The following MARK1 variants were observed in gnomAD, a reference collection of about 807,000 sequenced individuals.
The protein encoded by MARK1 is serine/threonine-protein kinase MARK1.
In MARK1, 40 loss-of-function variants were observed where a neutral mutation model predicts 96.3. That is an observed-to-expected ratio of 0.42 (90% confidence interval 0.32 to 0.54). The LOEUF (loss-of-function observed/expected upper bound fraction) is 0.54, where lower values mean the gene tolerates loss of function less well. MARK1 is among the 20% of genes least tolerant of loss of function. The pLI, the probability that MARK1 is intolerant of heterozygous loss-of-function variation, is 0.16. For missense variants in MARK1, 719 were observed against 984.6 expected, an observed-to-expected ratio of 0.73 and a Z score of 3.61; for synonymous variants, 317 against 341.2, an observed-to-expected ratio of 0.93 and a Z score of 0.78.
At chr1:220,566,495 G>A (rs561000019) in intron 1 of MARK1, among the ~76,000 whole-genome samples, 30 of 152,276 alleles carry the variant, frequency 2.0e-4, no homozygotes, top group African/African-American at 7.2e-4. Flanking sequence ...TTTACTGAGA[G>A]CAAACCGTTG....
chr1:220,559,711 G>A (rs1558258648), intron 1 of MARK1, among the ~76,000 whole-genome samples: 2 of 152,338 alleles, frequency 1.3e-5, no homozygotes, highest in South Asian at 2.1e-4. Flanking sequence ...CACATAGGCA[G>A]AGAATATGGA....
At chr1:220,638,633 T>C (rs540270088) in intron 13 of MARK1, among the ~76,000 whole-genome samples, 1 of 152,272 alleles carries the variant, frequency 6.6e-6, no homozygotes, top group East Asian at 1.9e-4. Flanking sequence ...GCATAAAAAT[T>C]AAGAAATTAG....
intron 6 of MARK1, among the ~76,000 whole-genome samples, chr1:220,612,315 G>T (rs1666492116): frequency 6.6e-6 from 1 of 152,126 alleles, no homozygotes. Context: ...AGGATAAGAG[G>T]TTGGGACATA....
At chr1:220,655,153 G>C (rs1304619847) in intron 16 of MARK1, among the ~76,000 whole-genome samples, 1 of 152,002 alleles carries the variant, frequency 6.6e-6, no homozygotes. Context: ...CACTTCTCAG[G>C]CTCCTTTGCT....
intron 17 of MARK1, among the ~76,000 whole-genome samples, chr1:220,659,635 C>T (rs1356803892): frequency 6.6e-6 from 1 of 152,084 alleles, no homozygotes; most frequent in Non-Finnish European, 1.5e-5. Flanking sequence ...CTACAATGGA[C>T]ATTATCAGTG....
chr1:220,546,996 A>G (rs1661545433), intron 1 of MARK1, among the ~76,000 whole-genome samples: 1 of 150,728 alleles, frequency 6.6e-6, no homozygotes, highest in Non-Finnish European at 1.5e-5. Context: ...AAGAAAAAAG[A>G]AAAGAAAAGA....
intron 15 of MARK1, among the ~76,000 whole-genome samples, chr1:220,652,820 T>TA (rs1668955197): frequency 6.6e-6 from 1 of 152,142 alleles, no homozygotes; most frequent in African/African-American, 2.4e-5. Context: ...AGGAGAATAT[T>TA]AAAAAAATAT....
intron 1 of MARK1, among the ~76,000 whole-genome samples, chr1:220,576,219 G>C (rs999870747): frequency 2.0e-5 from 3 of 151,424 alleles, no homozygotes; most frequent in African/African-American, 7.3e-5. Context: ...GATTTCTCAT[G>C]AGTCAGAGTC....
intron 1 of MARK1, among the ~76,000 whole-genome samples, chr1:220,531,736 GTT>G (rs1292782177): frequency 6.6e-6 from 1 of 152,124 alleles, no homozygotes; most frequent in Non-Finnish European, 1.5e-5. Flanking sequence ...TGTGTGCCTT[GTT>G]AATAGGCCTC....
At chr1:220,607,047 A>T (rs1250496997) in intron 6 of MARK1, among the ~76,000 whole-genome samples, 1 of 152,112 alleles carries the variant, frequency 6.6e-6, no homozygotes, top group African/African-American at 2.4e-5. Context: ...AGTTTTTTCA[A>T]ATTCTGTGAA....
intron 13 of MARK1, among the ~76,000 whole-genome samples, chr1:220,648,841 T>G (rs1474571838): frequency 6.6e-6 from 1 of 152,208 alleles, no homozygotes; most frequent in Non-Finnish European, 1.5e-5. Flanking sequence ...CCCAGGGTGT[T>G]TTTCCTGTTT....
rs537505278 is a variant in MARK1 at position 220,619,151 on chromosome 1, A to G, written c.909+396A>G. Among the ~76,000 whole-genome samples, 6 of 152,372 alleles carry G rather than the reference A, an allele frequency of 3.9e-5. No individual in the cohort carries two copies. In the South Asian group the frequency reaches 1.2e-3, roughly 32 times the overall value. On this transcript the variant is annotated intron_variant, in intron 9 of 17. Transcript: ENST00000366917. ...AAAATTCTAATCTAATGAATATTTC[A>G]CAGCTATATCTGACATTGATATCTA...
At chr1:220,641,830 C>T (rs1305622320) in intron 13 of MARK1, among the ~76,000 whole-genome samples, 1 of 152,158 alleles carries the variant, frequency 6.6e-6, no homozygotes, top group African/African-American at 2.4e-5. Context: ...GCAAAGGGAC[C>T]TCCCTCCCCG....
intron 1 of MARK1, among the ~76,000 whole-genome samples, chr1:220,567,028 G>A (rs1210630227): frequency 6.6e-6 from 1 of 152,012 alleles, no homozygotes; most frequent in Non-Finnish European, 1.5e-5. Context: ...TCCCCACCTA[G>A]TCCTTAGTAT....
intron 5 of MARK1, among the ~76,000 whole-genome samples, chr1:220,601,814 G>C (rs926424040): frequency 6.6e-6 from 1 of 152,140 alleles, no homozygotes; most frequent in Non-Finnish European, 1.5e-5. Context: ...AGTATGTAAG[G>C]CCTTCACCAC....
intron 13 of MARK1, among the ~76,000 whole-genome samples, chr1:220,649,654 CACT>C (rs1668766395): frequency 2.0e-5 from 3 of 152,290 alleles, no homozygotes; most frequent in Admixed American, 2.0e-4. Flanking sequence ...TAGGAACCTG[CACT>C]ACTGAAAAAT....
intron 1 of MARK1, among the ~76,000 whole-genome samples, chr1:220,578,586 C>A (rs1322754663): frequency 6.6e-6 from 1 of 152,150 alleles, no homozygotes; most frequent in Non-Finnish European, 1.5e-5. Context: ...TTGGTCAGTT[C>A]TTTGAGTTAT....
chr1:220,626,832 AAAG>A, intron 9 of MARK1: 2 of 383,486 alleles, frequency 5.2e-6, no homozygotes, highest in South Asian at 2.3e-5. Flanking sequence ...AAAAAAAAAA[AAAG>A]GGTTGAGGGG....
At chr1:220,617,873 C>T (rs1572182842) in intron 7 of MARK1, among the ~76,000 whole-genome samples, 2 of 152,094 alleles carry the variant, frequency 1.3e-5, no homozygotes, top group South Asian at 2.1e-4. Context: ...TACCTTTGAG[C>T]CTTGCTTTAA....
Sources: gnomAD v4.1 joint callset for allele counts (sites outside exome capture counted in the v4.1 genomes callset) on GRCh38, gnomAD v4.1.1 for gene constraint, MANE v1.5 for transcripts, NCBI Gene and HGNC (gene_info 2026-07-23, HGNC 2026-07-21) for gene names.